Variants in CSMD2 observed in about 807,000 individuals in gnomAD.
CSMD2 encodes the protein CUB and Sushi multiple domains 2.
A neutral mutation model predicts 398.5 loss-of-function variants in CSMD2; 130 were observed. The observed-to-expected ratio is 0.33, with a 90% CI of 0.28 to 0.38. The LOEUF (loss-of-function observed/expected upper bound fraction) is 0.38, where lower values mean the gene tolerates loss of function less well. CSMD2 is among the 10% of genes least tolerant of loss of function. The pLI is 1.00. For missense variants in CSMD2, 3,829 were observed against 4,764.9 expected (o/e 0.80, Z 5.78); for synonymous variants, 1,828 against 1,908.5 (o/e 0.96, Z 1.10).
chr1:34,063,030 G>A (rs534996164), intron 2 of CSMD2, among the ~76,000 whole-genome samples: 34 of 152,136 alleles, frequency 2.2e-4, no homozygotes, highest in Middle Eastern at 3.4e-3. Context: ...CGGAAACCCC[G>A]ATAAAACCAT....
chr1:34,130,071 C>A (rs1378547660), intron 1 of CSMD2, among the ~76,000 whole-genome samples: 1 of 152,166 alleles, frequency 6.6e-6, no homozygotes, highest in African/African-American at 2.4e-5. Context: ...TCCACTCCAC[C>A]CTGTGCCTTT....
In CSMD2 at chr1:33,912,528, C is replaced by A. The variant is rs535702147; in HGVS notation, c.920+5566G>T. Reference sequence around the variant, plus strand: ...CTTCCCTGTTGTAGGAAGAATTTGCCCCTTGGGGAGGGGTAGAGGAAAGAA... The same window carrying A: ...CTTCCCTGTTGTAGGAAGAATTTGCACCTTGGGGAGGGGTAGAGGAAAGAA... On this transcript the variant is annotated intron_variant, in intron 5 of 70. Coordinates refer to ENST00000373381, the MANE Select transcript of CSMD2 (RefSeq NM_001281956.2). 7.2e-5 allele frequency among the ~76,000 whole-genome samples: 11 copies of A among 152,102 alleles called. No individual in the cohort carries two copies. The East Asian group carries it at 1.6e-3, about 22-fold the overall frequency.
At chr1:34,134,588 T>C (rs964566272) in intron 1 of CSMD2, among the ~76,000 whole-genome samples, 3 of 152,180 alleles carry the variant, frequency 2.0e-5, no homozygotes, top group African/African-American at 7.2e-5. Context: ...TGCATAAATA[T>C]GTAGAATCTC....
At chr1:34,112,989 G>A (rs944821610) in intron 1 of CSMD2, 1 of 152,332 alleles carries the variant, frequency 6.6e-6, no homozygotes, top group African/African-American at 2.4e-5. Context: ...GATCTTGTCT[G>A]ATCTCGGAAG....
chr1:33,663,635 C>T (rs1370783809), intron 25 of CSMD2, among the ~76,000 whole-genome samples: 1 of 152,148 alleles, frequency 6.6e-6, no homozygotes, highest in Non-Finnish European at 1.5e-5. Context: ...TATATGTAGG[C>T]CTGGCTTAGA....
chr1:34,145,539 T>C (rs999145728), intron 1 of CSMD2, among the ~76,000 whole-genome samples: 1 of 152,204 alleles, frequency 6.6e-6, no homozygotes, highest in Non-Finnish European at 1.5e-5. Context: ...GGAGAGCTGA[T>C]CTGTACCAGC....
At chr1:34,027,619 T>C (rs1485243409) in intron 3 of CSMD2, among the ~76,000 whole-genome samples, 1 of 152,234 alleles carries the variant, frequency 6.6e-6, no homozygotes, top group Non-Finnish European at 1.5e-5. Context: ...ATAACTATGG[T>C]ATATGCAAAC....
intron 2 of CSMD2, among the ~76,000 whole-genome samples, chr1:34,073,385 A>C (rs1342308907): frequency 1.3e-5 from 2 of 152,232 alleles, no homozygotes; most frequent in African/African-American, 2.4e-5. Flanking sequence ...GTTTACACTT[A>C]ATTCATCAGA....
At chr1:33,649,811 C>A (rs1314185387) in intron 28 of CSMD2, among the ~76,000 whole-genome samples, 2 of 152,112 alleles carry the variant, frequency 1.3e-5, no homozygotes, top group African/African-American at 2.4e-5. Context: ...ACTGTTCTAC[C>A]TTTTGGCTAA....
chr1:33,633,619 G>T lies in CSMD2; in HGVS notation c.5087-84C>A. On this transcript the variant is annotated intron_variant, in intron 31 of 70. Transcript: ENST00000373381. The surrounding 1 kb of genome is among the most constrained non-coding windows in gnomAD (Gnocchi z 5.0). ...CTAGGGGTCTAGGGGCCCAAGCCAGGAGGAGGGCAGCCCTGGGGAAGTTGT... is the reference window on the plus strand; with the variant it reads ...CTAGGGGTCTAGGGGCCCAAGCCAGTAGGAGGGCAGCCCTGGGGAAGTTGT... The T allele has an allele frequency of 1.0e-6, 1 of 988,102 alleles. No individual in the cohort carries two copies. The highest frequency in any genetic ancestry group is 1.4e-5 in the South Asian group (1 of 71,264). 61.2% of individuals were successfully genotyped at this position (988,102 alleles called of 1,614,324 possible).
intron 42 of CSMD2, 117 bp from the exon 43 acceptor site, chr1:33,602,663 G>A (rs1286334997): frequency 2.1e-6 from 2 of 930,658 alleles, no homozygotes; most frequent in African/African-American, 3.4e-5. Flanking sequence ...GGGAGGTTGG[G>A]TGGGATGCGG....
At chr1:34,042,696 T>C (rs149862630) in intron 2 of CSMD2, among the ~76,000 whole-genome samples, 4 of 152,356 alleles carry the variant, frequency 2.6e-5, no homozygotes, top group African/African-American at 4.8e-5. Context: ...CTGGGTGACG[T>C]GGCCCGAGGC....
chr1:33,911,619 A>G (rs1643447672), intron 5 of CSMD2, among the ~76,000 whole-genome samples: 1 of 152,188 alleles, frequency 6.6e-6, no homozygotes, highest in East Asian at 1.9e-4. Context: ...GAGGGATGAA[A>G]TTAAGGAAAT....
intron 5 of CSMD2, among the ~76,000 whole-genome samples, chr1:33,876,957 A>G (rs1403395361): frequency 6.6e-6 from 1 of 152,236 alleles, no homozygotes; most frequent in Non-Finnish European, 1.5e-5. Context: ...TCTATAGATC[A>G]AATAAAACAT....
At chr1:33,955,684 G>C (rs1030911092) in intron 3 of CSMD2, among the ~76,000 whole-genome samples, 13 of 152,144 alleles carry the variant, frequency 8.5e-5, no homozygotes, top group African/African-American at 2.9e-4. Flanking sequence ...ATGTGTGAAG[G>C]GCTTGGCACT....
chr1:33,694,623 T>A (rs903634111), intron 24 of CSMD2, among the ~76,000 whole-genome samples: 6 of 152,212 alleles, frequency 3.9e-5, no homozygotes, highest in African/African-American at 1.4e-4. Context: ...CATGATTGTA[T>A]GTTTCCTGAG....
In CSMD2 at chr1:33,546,156, C is replaced by G; in HGVS notation, c.8981G>C (p.Ser2994Thr). ...IPAHGIRLGD[S>T]FDPGTVMRFS... is the part of the protein sequence containing the mutation. ...GCGCATCACAGTGCCTGGATCAAAG[C>G]TGTCCCCCAAACGGATGCCATGAGC... is the stretch of plus-strand genomic sequence containing the variant. Residue 2994 changes from serine to threonine, a missense_variant, in exon 57 of 71, where the codon AGC becomes ACC. Ser to Thr is a moderately conservative substitution (Grantham distance 58). Around this residue, in one of 5 missense-constraint regions of CSMD2, gnomAD observed 917 missense variants for 1,199.5 expected, o/e 0.76. Coordinates refer to ENST00000373381, the MANE Select transcript of CSMD2 (RefSeq NM_001281956.2). The G allele has an allele frequency of 6.2e-7, 1 of 1,614,252 alleles. No individual in the cohort carries two copies. Among genetic ancestry groups the G allele is most frequent in the Non-Finnish European group, 8.5e-7 (1 of 1,180,046 alleles).
At chr1:33,769,910 GC>G (rs1450540423) in intron 13 of CSMD2, among the ~76,000 whole-genome samples, 4 of 152,162 alleles carry the variant, frequency 2.6e-5, no homozygotes, top group African/African-American at 9.7e-5. Flanking sequence ...TGCTAGAGGA[GC>G]TTTTGTATGT....
In CSMD2 at chr1:33,635,871, G is replaced by C. The variant is rs1642769347; in HGVS notation, c.4969+489C>G. 6.6e-6 allele frequency among the ~76,000 whole-genome samples: 1 copy of C among 152,070 alleles called. No homozygotes were observed. The highest frequency in any genetic ancestry group is 6.5e-5 in the Admixed American group (1 of 15,280). The stretch of plus-strand genomic sequence containing the variant: ...TTACCATGACAAAGGGGGTATGCTT[G>C]GCTTTTCAATGGGTGGTCACCAAGC... On this transcript the variant is annotated intron_variant, in intron 30 of 70. Transcript: ENST00000373381. This position sits in a 1 kb window ranked among gnomAD's most constrained non-coding sequence, Gnocchi z 5.0.
Sources: allele counts gnomAD v4.1 joint callset (sites outside exome capture counted in the v4.1 genomes callset), GRCh38; gene constraint gnomAD v4.1.1; regional missense constraint gnomAD v4.1.1; non-coding constraint Gnocchi (gnomAD v3.1); transcripts MANE v1.5; gene names NCBI Gene and HGNC (gene_info 2026-07-23, HGNC 2026-07-21).